UBXN11: variants seen among roughly 807,000 people sequenced by gnomAD.
UBXN11 encodes UBX domain protein 11, also known as UBX domain-containing protein 11.
UBXN11 carries 47 observed loss-of-function variants against 62.8 expected under a neutral mutation model. That is an observed-to-expected ratio of 0.75 (90% CI 0.59 to 0.95). The LOEUF is 0.95. Ranked by LOEUF, UBXN11 falls within the 40% of genes least tolerant of loss-of-function variation. The probability of loss-of-function intolerance (pLI) is 0.00; values close to 1 mark genes in which losing one functional copy is unlikely to be tolerated. For synonymous variants in UBXN11, 294 were observed against 267.0 expected (o/e 1.10, Z -0.99); for missense variants, 638 against 661.7 (o/e 0.96, Z 0.39).
intron 2 of UBXN11, 47 bp from the exon 3 acceptor site, chr1:26,301,769 T>A: frequency 6.2e-7 from 1 of 1,611,606 alleles, no homozygotes; most frequent in Non-Finnish European, 8.5e-7. Flanking sequence ...TTAGGGCCCC[T>A]GGAATGATAC....
At chr1:26,299,523 A>C (rs1557687971) in intron 4 of UBXN11, among the ~76,000 whole-genome samples, 2 of 150,934 alleles carry the variant, frequency 1.3e-5, no homozygotes, top group Admixed American at 6.6e-5. Flanking sequence ...AAAAAAAAAA[A>C]AACAAAAAAA....
In UBXN11 at chr1:26,302,810, T is replaced by C. The variant is rs986615389; in HGVS notation, c.71+3A>G. 2.2e-5 allele frequency: 35 copies of C among 1,613,434 alleles called. No homozygotes were observed. Among genetic ancestry groups the C allele is most frequent in the Non-Finnish European group, 2.8e-5 (33 of 1,179,706 alleles). On this transcript the variant is annotated splice_donor_region_variant and intron_variant, in intron 2 of 14. Transcript: ENST00000374222. ...AGAAAGACCCCTGAGGCTGGCTCCT[T>C]ACCCAGGATTCATAGGCTCCGAGGG...
chr1:26,283,545 G>T (rs2073053196), intron 12 of UBXN11, among the ~76,000 whole-genome samples: 1 of 152,192 alleles, frequency 6.6e-6, no homozygotes. Context: ...CAGCCTGGAG[G>T]ATGGTCAGCA....
chr1:26,291,098 A>G (rs1570099326), intron 8 of UBXN11, among the ~76,000 whole-genome samples: 1 of 151,918 alleles, frequency 6.6e-6, no homozygotes, highest in Non-Finnish European at 1.5e-5. Flanking sequence ...AAGTTTGATC[A>G]CCCCACTGGC....
At chr1:26,296,349 G>A (rs2073391894) in intron 7 of UBXN11, among the ~76,000 whole-genome samples, 1 of 152,246 alleles carries the variant, frequency 6.6e-6, no homozygotes, top group South Asian at 2.1e-4. Context: ...CCTCCGTCGT[G>A]GAGTTCAGAG....
chr1:26,297,363 G>C, intron 6 of UBXN11, 64 bp downstream of exon 6: 1 of 1,456,424 alleles, frequency 6.9e-7, no homozygotes, highest in South Asian at 1.4e-5. Flanking sequence ...AAGCTTCCAG[G>C]AGCCCTGGGC....
At chr1:26,297,146 G>A (rs755776509) in intron 6 of UBXN11, 151 bp from the exon 7 acceptor site, 5 of 988,580 alleles carry the variant, frequency 5.1e-6, no homozygotes, top group African/African-American at 4.9e-5. Context: ...CTCTGACCCC[G>A]TGGCGGTGCC....
At chr1:26,308,720 C>T (rs946202127), upstream of UBXN11, among the ~76,000 whole-genome samples, 3 of 152,140 alleles carry the variant, frequency 2.0e-5, no homozygotes, top group African/African-American at 7.2e-5. Flanking sequence ...GAAGCAGGAG[C>T]TCTGGTCTCA....
At chr1:26,302,999 C>G in intron 1 of UBXN11, 81 bp from the exon 2 acceptor site, 1 of 911,974 alleles carries the variant, frequency 1.1e-6, no homozygotes, top group Non-Finnish European at 1.7e-6. Flanking sequence ...TTCCACTTCC[C>G]TGGCTACTCT....
chr1:26,317,971 A>T (rs773924069), intron 1 of UBXN11: 2 of 1,574,772 alleles, frequency 1.3e-6, no homozygotes, highest in Non-Finnish European at 1.7e-6. Flanking sequence ...CAGCCCTGAG[A>T]TCACCTAAAA....
chr1:26,302,055 T>C (rs1340096129), intron 2 of UBXN11, among the ~76,000 whole-genome samples: 1 of 152,192 alleles, frequency 6.6e-6, no homozygotes, highest in Non-Finnish European at 1.5e-5. Context: ...TTAACCTCTC[T>C]GAATCTTCTA....
intron 4 of UBXN11, among the ~76,000 whole-genome samples, chr1:26,300,068 C>T (rs969847974): frequency 3.7e-4 from 56 of 152,270 alleles, no homozygotes; most frequent in African/African-American, 1.3e-3. Context: ...GTGAAATGGC[C>T]GCAGAACCTT....
intron 5 of UBXN11, 43 bp downstream of exon 5, chr1:26,297,919 C>T (rs1430827710): frequency 6.3e-7 from 1 of 1,599,594 alleles, no homozygotes. Flanking sequence ...AGTCCCTCCA[C>T]CTCTCAGACC....
Position 26,282,333 on chromosome 1 carries a change from CTGGGG to C in UBXN11, c.1524_1528del (p.Pro509SerfsTer?). 1 of 741,770 alleles carries C rather than the reference CTGGGG, an allele frequency of 1.3e-6. No individual in the cohort carries two copies. The highest frequency in any genetic ancestry group is 4.9e-5 in the East Asian group (1 of 20,360). 45.9% of individuals were successfully genotyped at this position (741,770 alleles called of 1,614,324 possible). A position where few individuals can be genotyped will look rare whatever the true frequency, so the allele number is the denominator to read the frequency against. The stretch of plus-strand genomic sequence containing the variant: ...GCTGGGACTGGGTCCAGGACAGGGA[CTGGGG>C]CCGGGACCGGGACCGGGACTGGGGC... On this transcript the variant is annotated frameshift_variant, in exon 15 of 15. Transcript: ENST00000374222. LOFTEE classifies it high-confidence loss of function.
chr1:26,284,008 G>T, intron 12 of UBXN11, 134 bp downstream of exon 12: 1 of 924,574 alleles, frequency 1.1e-6, no homozygotes. Context: ...AGGAGACAGT[G>T]GAGCAACAGC....
chr1:26,297,630 ATAACCCTCGCAGT>A, intron 5 of UBXN11, 149 bp from the exon 6 acceptor site: 1 of 1,030,402 alleles, frequency 9.7e-7, no homozygotes, highest in Non-Finnish European at 1.4e-6. Flanking sequence ...CGGACCTCAG[ATAACCCTCGCAGT>A]TCCTCTGAGG....
intron 8 of UBXN11, among the ~76,000 whole-genome samples, chr1:26,286,444 C>T (rs12068212): frequency 0.16 from 24,992 of 152,134 alleles, 2,139 homozygotes; most frequent in Middle Eastern, 0.21. Flanking sequence ...AGCTCTGGAT[C>T]GAGGCCTTCT....
intron 8 of UBXN11, among the ~76,000 whole-genome samples, chr1:26,291,852 C>A (rs1221463203): frequency 2.6e-5 from 4 of 152,220 alleles, no homozygotes; most frequent in African/African-American, 9.6e-5. Flanking sequence ...GTGCCCTGGG[C>A]AGCAGGGACA....
chr1:26,284,249 C>T lies in UBXN11; in HGVS notation c.974-4G>A, dbSNP rs773460400. The stretch of plus-strand genomic sequence containing the variant: ...TTCTCAGCAGTCATCCTGGAGCCTA[C>T]AGGCAGAGTTGGGAACCGGGGCCCA... On this transcript the variant is annotated splice_polypyrimidine_tract_variant and splice_region_variant and intron_variant, in intron 11 of 14. Coordinates refer to ENST00000374222, the MANE Select transcript of UBXN11 (RefSeq NM_001389556.1). 2 of 1,610,322 alleles carry T rather than the reference C, an allele frequency of 1.2e-6. No individual in the cohort carries two copies. The highest frequency in any genetic ancestry group is 1.7e-6 in the Non-Finnish European group (2 of 1,178,028).
Sources: allele counts gnomAD v4.1 joint callset (sites outside exome capture counted in the v4.1 genomes callset), GRCh38; gene constraint gnomAD v4.1.1; transcripts MANE v1.5; gene names NCBI Gene and HGNC (gene_info 2026-07-23, HGNC 2026-07-21).